The following KIRREL1 variants were observed in gnomAD, a reference collection of about 807,000 sequenced individuals.
KIRREL1 encodes the protein kirre like nephrin family adhesion molecule 1, also known as kin of IRRE-like protein 1.
In KIRREL1, 25 loss-of-function variants were observed where a neutral mutation model predicts 83.3. That is an observed-to-expected ratio of 0.30 (90% CI 0.22 to 0.42). KIRREL1 has a LOEUF of 0.42. KIRREL1 is among the 10% of genes least tolerant of loss of function. KIRREL1 has a pLI of 1.00. For synonymous variants in KIRREL1, 388 were observed against 410.4 expected, an observed-to-expected ratio of 0.95 and a Z score of 0.66; for missense variants, 812 against 1,032.3, an observed-to-expected ratio of 0.79 and a Z score of 2.92.
intron 1 of KIRREL1, among the ~76,000 whole-genome samples, chr1:158,060,846 T>C (rs1163290946): frequency 6.6e-6 from 1 of 152,166 alleles, no homozygotes; most frequent in East Asian, 1.9e-4. Context: ...ATGACTCCGG[T>C]GCCGTCTCCT....
At chr1:158,088,886 T>G (rs1013011319) in intron 8 of KIRREL1, among the ~76,000 whole-genome samples, 2 of 151,812 alleles carry the variant, frequency 1.3e-5, no homozygotes, top group African/African-American at 4.8e-5. Flanking sequence ...TCTAGGGTCT[T>G]GGGATTTGGA....
At chr1:158,034,988 T>TTG (rs34535007) in intron 1 of KIRREL1, among the ~76,000 whole-genome samples, 10,006 of 151,336 alleles carry the variant, frequency 0.066, 382 homozygotes, top group South Asian at 0.21. Flanking sequence ...ACTGAACTGG[T>TTG]TGTGTGTGTG....
At chr1:158,011,348 C>T (rs763752496) in intron 1 of KIRREL1, among the ~76,000 whole-genome samples, 4 of 152,204 alleles carry the variant, frequency 2.6e-5, no homozygotes, top group East Asian at 3.8e-4. Context: ...TGGTCCCCTG[C>T]GTGAGGGTTG....
At chr1:158,029,369 A>ATGTGTGTGTGTGTGTGTG (rs1218198001) in intron 1 of KIRREL1, among the ~76,000 whole-genome samples, 18,275 of 144,824 alleles carry the variant, frequency 0.13, 1,364 homozygotes, top group Non-Finnish European at 0.15. Context: ...GTGTGTGTGC[A>ATGTGTGTGTGTGTGTGTG]CGTGCGCGCG....
chr1:158,076,326 A>G, intron 2 of KIRREL1, 64 bp downstream of exon 2: 1 of 1,498,290 alleles, frequency 6.7e-7, no homozygotes, highest in Admixed American at 1.7e-5. Flanking sequence ...CACTTCCAGC[A>G]TAGATTCCTG....
intron 1 of KIRREL1, among the ~76,000 whole-genome samples, chr1:158,073,259 C>T (rs1007493861): frequency 6.6e-5 from 10 of 152,250 alleles, no homozygotes; most frequent in Admixed American, 4.6e-4. Context: ...TTCCATGCCC[C>T]TGTGTCTGGA....
chr1:158,088,192 A>C, intron 7 of KIRREL1, 38 bp downstream of exon 7: 1 of 1,613,946 alleles, frequency 6.2e-7, no homozygotes, highest in Non-Finnish European at 8.5e-7. Flanking sequence ...GACAGAGAGC[A>C]GGGGCCCCCA....
intron 3 of KIRREL1, among the ~76,000 whole-genome samples, chr1:158,081,889 TCA>T (rs749353755): frequency 6.6e-5 from 10 of 152,132 alleles, no homozygotes; most frequent in Admixed American, 4.6e-4. Flanking sequence ...CGGAGGGGCT[TCA>T]CACACCCGGG....
Position 158,094,230 on chromosome 1 carries a change from C to G in KIRREL1, c.1720-83C>G. ...TCAGACCCCACCCATGAGCAGGTGG[C>G]CTCTGAGCGTGGGGAGGGGTTGGTG... On this transcript the variant is annotated intron_variant, in intron 13 of 14. Coordinates refer to ENST00000359209, the MANE Select transcript of KIRREL1 (RefSeq NM_018240.7). The surrounding 1 kb of genome is among the most constrained non-coding windows in gnomAD (Gnocchi z 4.6). 1 of 1,154,628 alleles carries G rather than the reference C, an allele frequency of 8.7e-7. No individual in the cohort carries two copies. The highest frequency in any genetic ancestry group is 1.3e-6 in the Non-Finnish European group (1 of 784,458). 71.5% of individuals were successfully genotyped at this position (1,154,628 alleles called of 1,614,324 possible).
chr1:158,001,610 G>T (rs1571525326), intron 1 of KIRREL1, among the ~76,000 whole-genome samples: 1 of 152,302 alleles, frequency 6.6e-6, no homozygotes, highest in East Asian at 1.9e-4. Flanking sequence ...ACCAGGAAGG[G>T]CTCCGTGGAG....
intron 1 of KIRREL1, among the ~76,000 whole-genome samples, chr1:158,061,297 C>G (rs964039719): frequency 6.6e-6 from 1 of 152,132 alleles, no homozygotes; most frequent in Non-Finnish European, 1.5e-5. Flanking sequence ...TCAAAACGAG[C>G]CTTTCTGCAT....
intron 1 of KIRREL1, among the ~76,000 whole-genome samples, chr1:158,068,089 C>T (rs1661405061): frequency 6.6e-6 from 1 of 152,126 alleles, no homozygotes; most frequent in South Asian, 2.1e-4. Flanking sequence ...GAGAAAGGAC[C>T]AGCAGTGGGA....
chr1:158,022,596 A>G (rs947892616), intron 1 of KIRREL1, among the ~76,000 whole-genome samples: 1 of 152,184 alleles, frequency 6.6e-6, no homozygotes, highest in African/African-American at 2.4e-5. Flanking sequence ...AACACCCAGG[A>G]CCCCTACTAT....
At chr1:158,003,396 A>G (rs1237769464) in intron 1 of KIRREL1, among the ~76,000 whole-genome samples, 4 of 152,168 alleles carry the variant, frequency 2.6e-5, no homozygotes, top group African/African-American at 9.7e-5. Context: ...AGGACATTTC[A>G]TCGAGACAGT....
intron 1 of KIRREL1, among the ~76,000 whole-genome samples, chr1:158,069,322 G>GTA (rs1661443547): frequency 6.6e-6 from 1 of 151,614 alleles, no homozygotes; most frequent in Non-Finnish European, 1.5e-5. Flanking sequence ...GTGTGTGTGT[G>GTA]TGTGTGTGTG....
At position 158,088,471 on chromosome 1, in the gene KIRREL1, CTGTTCTTTTTTT is replaced by C. The variant is rs1183141039; in HGVS notation, c.1044+19_1044+30del. On this transcript the variant is annotated intron_variant, in intron 8 of 14. Coordinates refer to ENST00000359209, the MANE Select transcript of KIRREL1 (RefSeq NM_018240.7). ...TCAAATATGGTAAGACTCTTACTGC[CTGTTCTTTTTTT>C]TTTTTTTTTTTTTTTTTTTGAGACG... 7.8e-7 allele frequency: 1 copy of C among 1,285,652 alleles called. No homozygotes were observed. Among genetic ancestry groups the C allele is most frequent in the Non-Finnish European group, 1.1e-6 (1 of 935,140 alleles). The allele number at this position is 1,285,652 out of a possible 1,614,324, so 79.6% of individuals were successfully genotyped here. A position where few individuals can be genotyped will look rare whatever the true frequency, so the allele number is the denominator to read the frequency against.
In KIRREL1 at chr1:158,080,640, G is replaced by A. The variant is rs536433746; in HGVS notation, c.352+2500G>A. On this transcript the variant is annotated intron_variant, in intron 3 of 14. Transcript: ENST00000359209. Reference sequence around the variant, plus strand: ...TAGTGCAGCTGGAGGGGCTTTACACGCCTGGGCAAACACCTGGGCATGGTG... The same window carrying A: ...TAGTGCAGCTGGAGGGGCTTTACACACCTGGGCAAACACCTGGGCATGGTG... 2.0e-5 allele frequency among the ~76,000 whole-genome samples: 3 copies of A among 152,220 alleles called. No individual in the cohort carries two copies. In the East Asian group the frequency reaches 5.8e-4, roughly 29 times the overall value.
chr1:158,048,032 G>T (rs545800767), intron 1 of KIRREL1, among the ~76,000 whole-genome samples: 6 of 152,172 alleles, frequency 3.9e-5, no homozygotes, highest in Admixed American at 3.9e-4. Flanking sequence ...TTTCTCTTTT[G>T]CCTGATCTTA....
intron 1 of KIRREL1, among the ~76,000 whole-genome samples, chr1:158,001,042 C>CT (rs1260576287): frequency 6.6e-6 from 1 of 152,162 alleles, no homozygotes; most frequent in Admixed American, 6.5e-5. Context: ...GAGGTGTACT[C>CT]TGTGCCCAGC....
Sources: allele counts gnomAD v4.1 joint callset (sites outside exome capture counted in the v4.1 genomes callset), GRCh38; gene constraint gnomAD v4.1.1; non-coding constraint Gnocchi (gnomAD v3.1); transcripts MANE v1.5; gene names NCBI Gene and HGNC (gene_info 2026-07-23, HGNC 2026-07-21).